Variants in SPATS2L observed in about 807,000 individuals in gnomAD.
The protein encoded by SPATS2L is SPATS2-like protein.
Under a neutral mutation model 59.6 loss-of-function variants are expected in SPATS2L, and 30 were observed. The observed-to-expected ratio is 0.50, with a 90% CI of 0.38 to 0.68. SPATS2L has a LOEUF of 0.68. Among genes scored for constraint, SPATS2L ranks in the 30% least tolerant of loss-of-function variants. The probability of loss-of-function intolerance (pLI) is 0.00; values close to 1 mark genes in which losing one functional copy is unlikely to be tolerated. For missense variants in SPATS2L, 615 were observed against 700.0 expected (o/e 0.88, Z 1.37); for synonymous variants, 252 against 263.5 (o/e 0.96, Z 0.42).
At chr2:200,443,624 C>T (rs2084842165) in intron 8 of SPATS2L, among the ~76,000 whole-genome samples, 1 of 152,174 alleles carries the variant, frequency 6.6e-6, no homozygotes, top group South Asian at 2.1e-4. Context: ...CCACAAAGTA[C>T]TCAACAAGCA....
intron 3 of SPATS2L, among the ~76,000 whole-genome samples, chr2:200,397,425 TTC>T (rs1322720450): frequency 3.3e-5 from 5 of 152,166 alleles, no homozygotes; most frequent in African/African-American, 1.2e-4. Flanking sequence ...CAATGGTTCC[TTC>T]TCTCCTAACC....
At chr2:200,329,334 C>T in intron 1 of SPATS2L, 97 bp from the exon 2 acceptor site, 1 of 1,021,146 alleles carries the variant, frequency 9.8e-7, no homozygotes, top group Non-Finnish European at 1.5e-6. Context: ...CTTCTTGACT[C>T]CAGATCCTGT....
intron 2 of SPATS2L, among the ~76,000 whole-genome samples, chr2:200,342,293 G>C (rs1337786146): frequency 1.3e-5 from 2 of 152,208 alleles, no homozygotes; most frequent in Admixed American, 1.3e-4. Context: ...ATTTAGAAAG[G>C]CTGCAGACTA....
intron 12 of SPATS2L, among the ~76,000 whole-genome samples, chr2:200,476,319 AG>A (rs2087516662): frequency 6.6e-6 from 1 of 152,194 alleles, no homozygotes; most frequent in Non-Finnish European, 1.5e-5. Flanking sequence ...AAGACCTGCC[AG>A]ATACACTTCA....
chr2:200,360,900 C>T (rs370311164), intron 2 of SPATS2L, among the ~76,000 whole-genome samples: 3 of 135,696 alleles, frequency 2.2e-5, no homozygotes, highest in Non-Finnish European at 4.5e-5. Flanking sequence ...TACGACCCCC[C>T]GCCCCCACCA....
chr2:200,427,011 C>CTCTT (rs1417392380), intron 6 of SPATS2L, among the ~76,000 whole-genome samples: 2 of 152,148 alleles, frequency 1.3e-5, no homozygotes, highest in African/African-American at 4.8e-5. Flanking sequence ...GGGCTCTCTT[C>CTCTT]TCTTTCTCAT....
At position 200,413,053 on chromosome 2, in the gene SPATS2L, C is replaced by T. The variant is rs539567773; in HGVS notation, c.148+634C>T. On this transcript the variant is annotated intron_variant, in intron 4 of 12. Coordinates refer to ENST00000409140, the MANE Select transcript of SPATS2L (RefSeq NM_001100423.2). ...CCTAGATGACAGACTGAGACCCTGT[C>T]TCAATAGATAAATAAATAAATGTGT... Among the ~76,000 whole-genome samples, 6 of 152,208 alleles carry T rather than the reference C, an allele frequency of 3.9e-5. No homozygotes were observed. In the South Asian group the frequency reaches 1.2e-3, roughly 32 times the overall value.
chr2:200,482,255 C>A lies in SPATS2L; in HGVS notation c.*4224C>A, dbSNP rs2087794983. 6.6e-6 allele frequency: 1 copy of A among 152,172 alleles called. No homozygotes were observed. The highest frequency in any genetic ancestry group is 1.5e-5 in the Non-Finnish European group (1 of 68,024). 9.4% of individuals were successfully genotyped at this position (152,172 alleles called of 1,614,324 possible). A position where few individuals can be genotyped will look rare whatever the true frequency, so the allele number is the denominator to read the frequency against. ...AATCTTTTTGCTTCTTTAATAAATT[C>A]TAACAAAGTTTTGTGTTTATTCTTA... On this transcript the variant is annotated 3_prime_UTR_variant, in exon 13 of 13. Transcript: ENST00000409140.
At chr2:200,340,581 C>G (rs2080291145) in intron 2 of SPATS2L, among the ~76,000 whole-genome samples, 1 of 152,068 alleles carries the variant, frequency 6.6e-6, no homozygotes, top group South Asian at 2.1e-4. Flanking sequence ...GGAGGGGGTG[C>G]AGCAGGAGGT....
chr2:200,348,494 GGACACGTCATTGGA>G (rs1368435125), intron 2 of SPATS2L, among the ~76,000 whole-genome samples: 1 of 152,166 alleles, frequency 6.6e-6, no homozygotes, highest in African/African-American at 2.4e-5. Flanking sequence ...TAAAGCCACG[GGACACGTCATTGGA>G]GAGCAGACTG....
intron 8 of SPATS2L, among the ~76,000 whole-genome samples, chr2:200,451,509 T>G (rs1004934147): frequency 6.6e-6 from 1 of 152,202 alleles, no homozygotes; most frequent in African/African-American, 2.4e-5. Context: ...AATTTAATAT[T>G]GTATTCCTGC....
intron 8 of SPATS2L, among the ~76,000 whole-genome samples, chr2:200,454,211 T>C (rs1238043553): frequency 1.3e-5 from 2 of 152,234 alleles, no homozygotes; most frequent in Non-Finnish European, 2.9e-5. Context: ...TTGTTACAGA[T>C]TGAGTTCTTC....
intron 2 of SPATS2L, among the ~76,000 whole-genome samples, chr2:200,361,901 T>A (rs1456579247): frequency 6.6e-6 from 1 of 152,168 alleles, no homozygotes; most frequent in Non-Finnish European, 1.5e-5. Context: ...TATTAGGACA[T>A]TTATACATAA....
chr2:200,361,664 C>A (rs1338861272), intron 2 of SPATS2L, among the ~76,000 whole-genome samples: 1 of 152,210 alleles, frequency 6.6e-6, no homozygotes, highest in Non-Finnish European at 1.5e-5. Flanking sequence ...AGATTTACAA[C>A]TGAATAAGCC....
intron 2 of SPATS2L, among the ~76,000 whole-genome samples, chr2:200,347,523 T>C (rs1182693444): frequency 6.6e-6 from 1 of 152,204 alleles, no homozygotes; most frequent in Non-Finnish European, 1.5e-5. Context: ...CCGGTTTGCA[T>C]GTCCTTGCCC....
intron 1 of SPATS2L, among the ~76,000 whole-genome samples, chr2:200,313,885 G>A (rs2079275034): frequency 6.6e-6 from 1 of 151,986 alleles, no homozygotes; most frequent in Non-Finnish European, 1.5e-5. Flanking sequence ...TTAAAATGTT[G>A]CCCACCTGTT....
chr2:200,378,223 G>C, intron 2 of SPATS2L: 1 of 1,002,080 alleles, frequency 1.0e-6, no homozygotes. Context: ...CTCCACATTC[G>C]TCACTATTGA....
At chr2:200,374,125 A>G (rs1313905940) in intron 2 of SPATS2L, among the ~76,000 whole-genome samples, 1 of 152,220 alleles carries the variant, frequency 6.6e-6, no homozygotes, top group African/African-American at 2.4e-5. Flanking sequence ...GCAGGAGCCA[A>G]TCTTAAATTT....
At chr2:200,430,827 C>G (rs961248896) in intron 6 of SPATS2L, among the ~76,000 whole-genome samples, 1 of 150,590 alleles carries the variant, frequency 6.6e-6, no homozygotes, top group Non-Finnish European at 1.5e-5. Context: ...AAGTGATTCT[C>G]GTGCCTCAGC....
Sources: allele counts gnomAD v4.1 joint callset (sites outside exome capture counted in the v4.1 genomes callset), GRCh38; gene constraint gnomAD v4.1.1; transcripts MANE v1.5; gene names NCBI Gene and HGNC (gene_info 2026-07-23, HGNC 2026-07-21).